The following CEP78 variants were observed in gnomAD, a reference collection of about 807,000 sequenced individuals.
CEP78 encodes centrosomal protein of 78 kDa.
In CEP78, 76 loss-of-function variants were observed where a neutral mutation model predicts 81.2. The ratio of observed to expected loss-of-function variants is 0.94; its 90% CI spans 0.78 to 1.13. The LOEUF (loss-of-function observed/expected upper bound fraction) is 1.13, where lower values mean the gene tolerates loss of function less well. Among genes scored for constraint, CEP78 ranks in the 50% most tolerant of loss-of-function variants. The pLI is 0.00. For missense variants in CEP78, 918 were observed against 846.8 expected (o/e 1.08, Z -1.04); for synonymous variants, 293 against 301.4 (o/e 0.97, Z 0.29).
rs970854904 is a variant in CEP78 at position 78,265,734 on chromosome 9, TAAGA to T, written c.1798-121_1798-118del. The T allele has an allele frequency of 9.6e-5, 72 of 752,562 alleles. No individual in the cohort carries two copies. In the Middle Eastern group the frequency reaches 6.3e-3, roughly 65 times the overall value. The allele number at this position is 752,562 out of a possible 1,614,324, so 46.6% of individuals were successfully genotyped here. On this transcript the variant is annotated intron_variant, in intron 14 of 16. Transcript: ENST00000643273. ...ATATTGTATTGTTGTAAATAAAAAA[TAAGA>T]AAGTTCTTTTGAAACTTTATGATTT...
At chr9:78,268,097 G>A (rs1057514140) in intron 16 of CEP78, among the ~76,000 whole-genome samples, 2 of 152,216 alleles carry the variant, frequency 1.3e-5, no homozygotes, top group South Asian at 4.1e-4. Flanking sequence ...GAAATGCTGA[G>A]GGAGTTTAGT....
chr9:78,255,663 G>C (rs1233396085), intron 11 of CEP78, among the ~76,000 whole-genome samples: 1 of 152,042 alleles, frequency 6.6e-6, no homozygotes, highest in Non-Finnish European at 1.5e-5. Flanking sequence ...ATTAAAATTA[G>C]TGATATTTAT....
In CEP78 at chr9:78,236,507, G is replaced by A. The variant is rs564286061; in HGVS notation, c.157G>A (p.Val53Met). The stretch of plus-strand genomic sequence containing the variant: ...TTTCAACGCCGACCGCCTCCGCGGG[G>A]TGGACTGGGCGCCTCTGCTGAGCAC... ...LDFNADRLRGVDWAPLLSTLK... is the reference protein window; with the variant it reads ...LDFNADRLRGMDWAPLLSTLK... Residue 53 changes from valine (V) to methionine (M), a missense_variant, in exon 1 of 17, where the codon GTG becomes ATG. Physicochemically the swap from Val to Met is conservative, Grantham distance 21 (BLOSUM62 1). Transcript: ENST00000643273. 6.2e-7 allele frequency: 1 copy of A among 1,607,084 alleles called. No homozygotes were observed. Among genetic ancestry groups the A allele is most frequent in the Non-Finnish European group, 8.5e-7 (1 of 1,176,804 alleles).
intron 5 of CEP78, among the ~76,000 whole-genome samples, chr9:78,244,134 CTT>C (rs971743733): frequency 1.6e-4 from 18 of 110,738 alleles, no homozygotes; most frequent in African/African-American, 5.2e-4. Flanking sequence ...ATTGAAGTTA[CTT>C]TTTTTTTTTT....
At chr9:78,253,785 C>G (rs1826878168) in intron 10 of CEP78, 1 of 152,382 alleles carries the variant, frequency 6.6e-6, no homozygotes, top group South Asian at 2.1e-4. Context: ...TGAATTCTGT[C>G]AGAGTATCAG....
rs1342359597 is a variant in CEP78, at chr9:78,254,832, TA to T, written c.1252-2del. 1 of 1,604,282 alleles carries T rather than the reference TA, an allele frequency of 6.2e-7. No individual in the cohort carries two copies. Among genetic ancestry groups the T allele is most frequent in the Admixed American group, 1.7e-5 (1 of 58,784 alleles). Reference sequence around the variant, plus strand: ...ATTATACAATCTTGTCCTCTTTTTTTAAGCAACCAGGTTTTCCTGTGACTGT... The same window carrying T: ...ATTATACAATCTTGTCCTCTTTTTTTAGCAACCAGGTTTTCCTGTGACTGT... On this transcript the variant is annotated splice_polypyrimidine_tract_variant and splice_region_variant and intron_variant, in intron 10 of 16. Transcript: ENST00000643273.
At chr9:78,269,415 A>T (rs1261372657) in intron 16 of CEP78, among the ~76,000 whole-genome samples, 1 of 152,236 alleles carries the variant, frequency 6.6e-6, no homozygotes, top group African/African-American at 2.4e-5. Context: ...GGATGTACAT[A>T]TGAAGACATG....
chr9:78,253,566 A>G, intron 10 of CEP78: 5 of 330,232 alleles, frequency 1.5e-5, no homozygotes, highest in Non-Finnish European at 2.8e-5. Flanking sequence ...CTCACCCGAC[A>G]CATGGAGCTA....
intron 11 of CEP78, among the ~76,000 whole-genome samples, chr9:78,256,524 ATTTTTTTT>A (rs35059009): frequency 1.3e-5 from 1 of 76,688 alleles, no homozygotes; most frequent in Non-Finnish European, 2.4e-5. Flanking sequence ...CTGCTCCCTT[ATTTTTTTT>A]TTTTTTTTTT....
In CEP78 at chr9:78,276,327, A is replaced by G. The variant is rs1405595902; in HGVS notation, c.*5476A>G. On this transcript the variant is annotated 3_prime_UTR_variant, in exon 17 of 17. Coordinates refer to ENST00000643273, the MANE Select transcript of CEP78 (RefSeq NM_001330691.3). ...TTCAACATCCTCTGGTATTCTTAACAATCTCGAAATAGAAGGAAACTTCCT... is the reference window on the plus strand; with the variant it reads ...TTCAACATCCTCTGGTATTCTTAACGATCTCGAAATAGAAGGAAACTTCCT... 1 of 152,196 alleles carries G rather than the reference A, an allele frequency of 6.6e-6. No homozygotes were observed. The highest frequency in any genetic ancestry group is 6.5e-5 in the Admixed American group (1 of 15,276). The allele number at this position is 152,196 out of a possible 1,614,324, so 9.4% of individuals were successfully genotyped here.
chr9:78,271,814 C>T lies in CEP78; in HGVS notation c.*963C>T, dbSNP rs1278571767. 2.6e-5 allele frequency: 4 copies of T among 152,060 alleles called. No homozygotes were observed. Among genetic ancestry groups the T allele is most frequent in the Non-Finnish European group, 5.9e-5 (4 of 68,042 alleles). The allele number at this position is 152,060 out of a possible 1,614,324, so 9.4% of individuals were successfully genotyped here. A position where few individuals can be genotyped will look rare whatever the true frequency, so the allele number is the denominator to read the frequency against. ...CCATTGGGCTTAAATTATCTTCCCACCTCAGCCTCCCAAGTAGCTGCAATG... is the reference window on the plus strand; with the variant it reads ...CCATTGGGCTTAAATTATCTTCCCATCTCAGCCTCCCAAGTAGCTGCAATG... On this transcript the variant is annotated 3_prime_UTR_variant, in exon 17 of 17. Transcript: ENST00000643273.
rs1455114342 is a variant in CEP78 at position 78,236,362 on chromosome 9, C to T, written c.12C>T (p.Ser4=). Residue 4 remains serine (S), a synonymous_variant, in exon 1 of 17, where the codon TCC becomes TCT. Coordinates refer to ENST00000643273, the MANE Select transcript of CEP78 (RefSeq NM_001330691.3). MID[S]VKLRRDSAAD... The stretch of plus-strand genomic sequence containing the variant: ...GCCGCCCTCGGGCCATGATCGACTC[C>T]GTGAAGCTGCGCCGCGACAGCGCGG... The T allele has an allele frequency of 3.2e-6, 5 of 1,579,032 alleles. No homozygotes were observed. The highest frequency in any genetic ancestry group is 2.3e-5 in the South Asian group (2 of 87,322).
intron 10 of CEP78, 189 bp downstream of exon 10, chr9:78,253,466 C>T (rs1238630447): frequency 1.9e-6 from 1 of 521,324 alleles, no homozygotes; most frequent in Non-Finnish European, 3.5e-6. Context: ...CAATGGAGGC[C>T]TTGTGGTTTC....
chr9:78,257,201 T>G (rs1355518688), intron 11 of CEP78, among the ~76,000 whole-genome samples: 1 of 151,268 alleles, frequency 6.6e-6, no homozygotes, highest in Non-Finnish European at 1.5e-5. Flanking sequence ...AAGAAAGAAA[T>G]CCCAAGAGAA....
rs61730338 is a variant in CEP78 at position 78,248,353 on chromosome 9, G to C, written c.955G>C (p.Glu319Gln). The C allele has an allele frequency of 1.7e-3, 2,659 of 1,555,972 alleles. 31 individuals are homozygous for C. In the African/African-American group the frequency reaches 0.03, roughly 18 times the overall value. The change falls in exon 7 of 17, where the codon GAG becomes CAG. Residue 319 changes from glutamate to glutamine, a missense_variant and splice_region_variant. By Grantham distance (29) the Glu-to-Gln change is conservative. Coordinates refer to ENST00000643273, the MANE Select transcript of CEP78 (RefSeq NM_001330691.3). ...VLQNGRSAKS[E>Q]YQWITSPSVK... ...CCAGAATGGAAGGAGTGCCAAATCA[G>C]AGGTATATCATGTTTTATTTCTCCA...
At chr9:78,265,690 A>C (rs2118481946) in intron 14 of CEP78, 147 bp downstream of exon 14, 1 of 820,150 alleles carries the variant, frequency 1.2e-6, no homozygotes, top group South Asian at 1.9e-5. Context: ...GAGATTAGTA[A>C]GTTTGTGCCC....
At position 78,237,875 on chromosome 9, in the gene CEP78, G is replaced by A. The variant is rs200214188; in HGVS notation, c.253+1272G>A. ...TCCCAGCACTTTGGGAGGCCAAGGC[G>A]GGGGGGTGTGGATCACCTGAGGTCA... On this transcript the variant is annotated intron_variant, in intron 1 of 16. Transcript: ENST00000643273. Among the ~76,000 whole-genome samples the A allele has an allele frequency of 3.9e-3, 591 of 151,312 alleles. 3 individuals are homozygous for A. Among genetic ancestry groups the A allele is most frequent in the African/African-American group, 0.013 (535 of 41,156 alleles).
Position 78,262,925 on chromosome 9 carries a change from CT to C in CEP78, c.1400del (p.Leu467GlnfsTer4), listed in dbSNP as rs761402496. The stretch of plus-strand genomic sequence containing the variant: ...ATACTAGGAAAAACTGGAGGAGTGC[CT>C]AAAGCAGTTAAAGGAAGAAAGAGTG... The part of the protein sequence containing the change: ...EALQEKLEEC[L>X]KQLKEERVIR... On this transcript the variant is annotated frameshift_variant, in exon 12 of 17. Coordinates refer to ENST00000643273, the MANE Select transcript of CEP78 (RefSeq NM_001330691.3). LOFTEE classifies it high-confidence loss of function. 6.5e-7 allele frequency: 1 copy of C among 1,540,438 alleles called. No homozygotes were observed. The highest frequency in any genetic ancestry group is 8.8e-7 in the Non-Finnish European group (1 of 1,139,734).
intron 4 of CEP78, 33 bp downstream of exon 4, chr9:78,241,832 G>T (rs758972075): frequency 1.1e-5 from 13 of 1,168,078 alleles, no homozygotes; most frequent in Non-Finnish European, 1.2e-5. Flanking sequence ...ATGAAAATGT[G>T]TTATATGATT....
Sources: allele counts gnomAD v4.1 joint callset (sites outside exome capture counted in the v4.1 genomes callset), GRCh38; gene constraint gnomAD v4.1.1; transcripts MANE v1.5; gene names NCBI Gene and HGNC (gene_info 2026-07-23, HGNC 2026-07-21).